Variants in DPYD observed in about 807,000 individuals in gnomAD.
DPYD encodes dihydropyrimidine dehydrogenase [NADP(+)].
A neutral mutation model predicts 116.2 loss-of-function variants in DPYD; 109 were observed. The observed-to-expected ratio is 0.94, with a 90% CI of 0.80 to 1.10. The LOEUF is 1.10. Ranked by LOEUF, DPYD falls within the 50% of genes least tolerant of loss-of-function variation. The probability of loss-of-function intolerance (pLI) is 0.00; values close to 1 mark genes in which losing one functional copy is unlikely to be tolerated. For missense variants in DPYD, 1,302 were observed against 1,254.5 expected (o/e 1.04, Z -0.57); for synonymous variants, 440 against 432.0 (o/e 1.02, Z -0.23).
intron 14 of DPYD, among the ~76,000 whole-genome samples, chr1:97,400,583 C>G (rs960740352): frequency 3.3e-5 from 5 of 152,018 alleles, no homozygotes; most frequent in African/African-American, 9.7e-5. Flanking sequence ...TGGTCCTGGA[C>G]TTTTTTTGGT....
At chr1:97,381,330 GA>G (rs1347897660) in intron 15 of DPYD, among the ~76,000 whole-genome samples, 2 of 151,972 alleles carry the variant, frequency 1.3e-5, no homozygotes, top group Non-Finnish European at 2.9e-5. Context: ...GTCTAATATT[GA>G]AAAAAATAAT....
At chr1:97,810,286 C>CAAAAAA (rs71071672) in intron 3 of DPYD, among the ~76,000 whole-genome samples, 3 of 73,580 alleles carry the variant, frequency 4.1e-5, no homozygotes, top group Admixed American at 1.8e-4. Context: ...GACTCCATCT[C>CAAAAAA]AAAAAAAAAA....
At chr1:97,089,168 T>G in intron 21 of DPYD, among the ~76,000 whole-genome samples, 1 of 152,174 alleles carries the variant, frequency 6.6e-6, no homozygotes, top group Non-Finnish European at 1.5e-5. Context: ...ACATCACTAG[T>G]GCCCCTAAAC....
intron 5 of DPYD, chr1:97,720,121 TA>T: frequency 1.0e-6 from 1 of 984,854 alleles, no homozygotes; most frequent in Non-Finnish European, 1.2e-6. Flanking sequence ...TCCAGAGGAA[TA>T]ATGTATTTCC....
At chr1:97,319,242 T>G (rs1421446932) in intron 16 of DPYD, among the ~76,000 whole-genome samples, 3 of 149,736 alleles carry the variant, frequency 2.0e-5, no homozygotes, top group Admixed American at 6.6e-5. Context: ...AGAGCACAAC[T>G]GAAGGAAATA....
chr1:97,217,896 C>T (rs1040782293), intron 19 of DPYD, among the ~76,000 whole-genome samples: 5 of 152,122 alleles, frequency 3.3e-5, no homozygotes, highest in East Asian at 3.8e-4. Flanking sequence ...TTGTGATACT[C>T]GCTTTATCAT....
chr1:97,682,032 G>A (rs1660452680), intron 7 of DPYD, among the ~76,000 whole-genome samples: 1 of 152,060 alleles, frequency 6.6e-6, no homozygotes, highest in Non-Finnish European at 1.5e-5. Flanking sequence ...TAGTTTAATA[G>A]TAGCTTTTTG....
At chr1:97,429,378 T>G (rs1675047202) in intron 14 of DPYD, among the ~76,000 whole-genome samples, 1 of 152,064 alleles carries the variant, frequency 6.6e-6, no homozygotes, top group African/African-American at 2.4e-5. Flanking sequence ...GTAAATAAAT[T>G]TTTACTTAAG....
intron 8 of DPYD, among the ~76,000 whole-genome samples, chr1:97,626,448 AAAAC>A (rs749448496): frequency 1.6e-4 from 24 of 152,178 alleles, no homozygotes; most frequent in Middle Eastern, 3.4e-3. Context: ...AGACAAGAAA[AAAAC>A]AAACAAACAA....
At chr1:97,728,895 A>G (rs1004482342) in intron 4 of DPYD, among the ~76,000 whole-genome samples, 1 of 152,058 alleles carries the variant, frequency 6.6e-6, no homozygotes, top group African/African-American at 2.4e-5. Context: ...AAGAATGTAG[A>G]TATATTGTGA....
chr1:97,399,991 T>C (rs1464664621), intron 14 of DPYD, among the ~76,000 whole-genome samples: 1 of 152,156 alleles, frequency 6.6e-6, no homozygotes, highest in African/African-American at 2.4e-5. Flanking sequence ...CTATGTTGAA[T>C]AGGAGTGGTG....
At chr1:97,737,975 A>G (rs1441353202) in intron 4 of DPYD, among the ~76,000 whole-genome samples, 1 of 152,150 alleles carries the variant, frequency 6.6e-6, no homozygotes. Context: ...CATAGTATAC[A>G]TTTATTTATC....
intron 6 of DPYD, among the ~76,000 whole-genome samples, chr1:97,696,392 AAGAGG>A (rs1661308869): frequency 6.6e-6 from 1 of 152,130 alleles, no homozygotes; most frequent in Non-Finnish European, 1.5e-5. Flanking sequence ...AGAATAGAGA[AAGAGG>A]TCAGGGCAGA....
chr1:97,649,310 A>G (rs761080820), intron 8 of DPYD, among the ~76,000 whole-genome samples: 8 of 152,200 alleles, frequency 5.3e-5, no homozygotes, highest in Admixed American at 1.3e-4. Context: ...TCCATTTAAA[A>G]ACTGGATTTA....
intron 20 of DPYD, among the ~76,000 whole-genome samples, chr1:97,173,290 G>A (rs779993593): frequency 4.7e-5 from 3 of 64,184 alleles, no homozygotes; most frequent in South Asian, 5.0e-4. Flanking sequence ...ACACATATAT[G>A]TACACATATG....
intron 16 of DPYD, among the ~76,000 whole-genome samples, chr1:97,320,231 AG>A (rs1668160881): frequency 7.0e-6 from 1 of 142,254 alleles, no homozygotes; most frequent in Admixed American, 7.2e-5. Context: ...AGTTCTGGCC[AG>A]GGCAATCAGG....
intron 8 of DPYD, among the ~76,000 whole-genome samples, chr1:97,635,901 C>T (rs1236441757): frequency 6.6e-6 from 1 of 152,108 alleles, no homozygotes; most frequent in African/African-American, 2.4e-5. Context: ...CTCACTGCAG[C>T]CTTGAGTTCC....
intron 8 of DPYD, among the ~76,000 whole-genome samples, chr1:97,599,240 C>G (rs752557865): frequency 6.6e-6 from 1 of 152,118 alleles, no homozygotes; most frequent in African/African-American, 2.4e-5. Flanking sequence ...ATTTGATATT[C>G]TTTGAAATGT....
At chr1:97,315,314 T>C (rs780004123) in intron 16 of DPYD, among the ~76,000 whole-genome samples, 6 of 151,994 alleles carry the variant, frequency 3.9e-5, no homozygotes, top group Non-Finnish European at 5.9e-5. Flanking sequence ...CAGTGAATGA[T>C]AGCAAAACTG....
Sources: allele counts gnomAD v4.1 joint callset (sites outside exome capture counted in the v4.1 genomes callset), GRCh38; gene constraint gnomAD v4.1.1; transcripts MANE v1.5; gene names NCBI Gene and HGNC (gene_info 2026-07-23, HGNC 2026-07-21).